The following PTPRN2 variants were observed in gnomAD, a reference collection of about 807,000 sequenced individuals.
The protein encoded by PTPRN2 is receptor-type tyrosine-protein phosphatase N2.
A neutral mutation model predicts 118.8 loss-of-function variants in PTPRN2; 74 were observed. The ratio of observed to expected loss-of-function variants is 0.62; its 90% CI spans 0.52 to 0.76. PTPRN2 has a LOEUF of 0.76. Among genes scored for constraint, PTPRN2 ranks in the 30% least tolerant of loss-of-function variants. The pLI, the probability that PTPRN2 is intolerant of heterozygous loss-of-function variation, is 0.00. For missense variants in PTPRN2, 1,481 were observed against 1,394.4 expected (o/e 1.06, Z -0.99); for synonymous variants, 641 against 608.0 (o/e 1.05, Z -0.80).
intron 12 of PTPRN2, among the ~76,000 whole-genome samples, chr7:157,723,388 C>G (rs912187797): frequency 9.9e-5 from 15 of 152,194 alleles, no homozygotes; most frequent in Non-Finnish European, 1.6e-4. Context: ...GCCACCTGTC[C>G]CCCACTGAGC....
chr7:158,008,929 T>A lies in PTPRN2; in HGVS notation c.1723+72369A>T, dbSNP rs151222810. On this transcript the variant is annotated intron_variant, in intron 11 of 22. Transcript: ENST00000389418. The stretch of plus-strand genomic sequence containing the variant: ...TTTATCACGTTGATATACTCAGACT[T>A]CTTCTGAAATGAGACACAGGCTTTC... Among the ~76,000 whole-genome samples the A allele has an allele frequency of 2.4e-3, 358 of 152,334 alleles. 3 individuals are homozygous for A. The highest frequency in any genetic ancestry group is 8.3e-3 in the African/African-American group (345 of 41,576).
intron 12 of PTPRN2, among the ~76,000 whole-genome samples, chr7:157,728,968 C>T (rs1028770676): frequency 6.6e-5 from 10 of 152,122 alleles, no homozygotes; most frequent in Non-Finnish European, 1.5e-4. Flanking sequence ...TCGAGGGAGA[C>T]GGCGCTGACC....
intron 1 of PTPRN2, among the ~76,000 whole-genome samples, chr7:158,490,675 G>A (rs542833014): frequency 2.8e-4 from 43 of 152,372 alleles, no homozygotes; most frequent in African/African-American, 9.9e-4. Flanking sequence ...CAAAGGCCAG[G>A]TGTGGTGTGA....
intron 1 of PTPRN2, chr7:158,541,586 A>G: frequency 7.4e-7 from 1 of 1,351,814 alleles, no homozygotes; most frequent in Non-Finnish European, 9.8e-7. Flanking sequence ...TCAGCAGTGA[A>G]TATTCAGATT....
At chr7:158,466,689 C>T (rs566095318) in intron 2 of PTPRN2, among the ~76,000 whole-genome samples, 2 of 152,282 alleles carry the variant, frequency 1.3e-5, no homozygotes, top group African/African-American at 4.8e-5. Context: ...CCAAAAGAGG[C>T]GTTGATGGTA....
chr7:158,440,735 TGAC>T (rs1347761402), intron 2 of PTPRN2, among the ~76,000 whole-genome samples: 1 of 140,094 alleles, frequency 7.1e-6, no homozygotes, highest in Admixed American at 6.9e-5. Flanking sequence ...GTGGTGATGA[TGAC>T]AGTGGTGGTG....
intron 2 of PTPRN2, among the ~76,000 whole-genome samples, chr7:158,451,738 C>T (rs1303769405): frequency 6.6e-6 from 1 of 152,152 alleles, no homozygotes; most frequent in Non-Finnish European, 1.5e-5. Flanking sequence ...TACACCCAGG[C>T]CTGAACATCC....
chr7:158,229,961 AG>A (rs1325563872), intron 3 of PTPRN2, among the ~76,000 whole-genome samples: 1 of 152,208 alleles, frequency 6.6e-6, no homozygotes, highest in Non-Finnish European at 1.5e-5. Context: ...AACTCTCAAA[AG>A]TCAAGGACAA....
At chr7:157,699,465 G>A (rs1797963043) in intron 12 of PTPRN2, among the ~76,000 whole-genome samples, 1 of 152,084 alleles carries the variant, frequency 6.6e-6, no homozygotes, top group Non-Finnish European at 1.5e-5. Context: ...ACGGAGTCTT[G>A]CTCTGTCACC....
intron 12 of PTPRN2, among the ~76,000 whole-genome samples, chr7:157,889,012 A>G (rs373616764): frequency 6.6e-5 from 10 of 152,356 alleles, no homozygotes; most frequent in Admixed American, 4.6e-4. Flanking sequence ...CTTCTTTGTT[A>G]TAACTTTGCA....
intron 14 of PTPRN2, among the ~76,000 whole-genome samples, chr7:157,654,722 A>T (rs1805956894): frequency 6.6e-6 from 1 of 152,240 alleles, no homozygotes; most frequent in African/African-American, 2.4e-5. Flanking sequence ...TACATATGTG[A>T]ATGCCAAACA....
intron 11 of PTPRN2, among the ~76,000 whole-genome samples, chr7:157,972,584 G>A (rs1417167957): frequency 1.1e-4 from 2 of 18,776 alleles, no homozygotes; most frequent in Admixed American, 4.8e-4. Context: ...CAGAGACCAC[G>A]GGAACTCCAC....
chr7:158,570,698 AC>A lies in PTPRN2; in HGVS notation c.112+16859del, dbSNP rs1827976102. The stretch of plus-strand genomic sequence containing the variant: ...ATACCGGCTCAGCACGCGGCTGGGT[AC>A]GGTTTGCAACGCCGAGAGCCCGCGG... On this transcript the variant is annotated intron_variant, in intron 1 of 22. Transcript: ENST00000389418. This position sits in a 1 kb window ranked among gnomAD's most constrained non-coding sequence, Gnocchi z 4.5. Among the ~76,000 whole-genome samples the A allele has an allele frequency of 6.6e-6, 1 of 152,178 alleles. No individual in the cohort carries two copies. The highest frequency in any genetic ancestry group is 2.1e-4 in the South Asian group (1 of 4,834).
chr7:158,422,393 G>C (rs1357050547), intron 2 of PTPRN2, among the ~76,000 whole-genome samples: 3 of 152,170 alleles, frequency 2.0e-5, no homozygotes, highest in Non-Finnish European at 4.4e-5. Context: ...AACACCATCT[G>C]ATTTTCTGAA....
intron 14 of PTPRN2, among the ~76,000 whole-genome samples, chr7:157,634,121 T>C (rs116281489): frequency 0.028 from 4,258 of 152,084 alleles, 202 homozygotes; most frequent in African/African-American, 0.096. Context: ...TCATCTGACC[T>C]GCCCTTCCTC....
chr7:158,323,975 ACAC>A (rs1803252106), intron 2 of PTPRN2, among the ~76,000 whole-genome samples: 3 of 152,266 alleles, frequency 2.0e-5, no homozygotes, highest in East Asian at 3.9e-4. Context: ...ATGTACACAC[ACAC>A]AAGTGTGCAC....
chr7:158,547,312 G>A (rs1420222375), intron 1 of PTPRN2, among the ~76,000 whole-genome samples: 1 of 151,682 alleles, frequency 6.6e-6, no homozygotes, highest in Non-Finnish European at 1.5e-5. Context: ...TTCATTCCCT[G>A]TAAATGCTGA....
intron 11 of PTPRN2, among the ~76,000 whole-genome samples, chr7:157,931,961 C>T (rs568614427): frequency 3.3e-5 from 5 of 152,278 alleles, no homozygotes; most frequent in African/African-American, 9.6e-5. Flanking sequence ...TTTTAACATA[C>T]GTCAGATTTA....
chr7:158,053,507 A>T (rs2128898493), intron 11 of PTPRN2, among the ~76,000 whole-genome samples: 1 of 152,374 alleles, frequency 6.6e-6, no homozygotes, highest in Middle Eastern at 3.4e-3. Flanking sequence ...TTCTGATATT[A>T]TGGGAAATTC....
Sources: allele counts gnomAD v4.1 joint callset (sites outside exome capture counted in the v4.1 genomes callset), GRCh38; gene constraint gnomAD v4.1.1; non-coding constraint Gnocchi (gnomAD v3.1); transcripts MANE v1.5; gene names NCBI Gene and HGNC (gene_info 2026-07-23, HGNC 2026-07-21).